The following MEGF6 variants were observed in gnomAD, a reference collection of about 807,000 sequenced individuals.
MEGF6 encodes the protein multiple EGF like domains 6.
MEGF6 carries 184 observed loss-of-function variants against 207.1 expected under a neutral mutation model. The ratio of observed to expected loss-of-function variants is 0.89; its 90% CI spans 0.79 to 1.00. The LOEUF (loss-of-function observed/expected upper bound fraction) is 1.00, where lower values mean the gene tolerates loss of function less well. MEGF6 is among the 50% of genes least tolerant of loss of function. MEGF6 has a pLI of 0.00. For synonymous variants in MEGF6, 1,038 were observed against 910.0 expected (o/e 1.14, Z -2.53); for missense variants, 2,282 against 2,202.9 (o/e 1.04, Z -0.72).
chr1:3,510,932 T>C (rs1238482283), intron 9 of MEGF6, 30 bp from the exon 10 acceptor site: 15 of 1,582,662 alleles, frequency 9.5e-6, no homozygotes, highest in Non-Finnish European at 1.3e-5. Context: ...GGCCCCCTGG[T>C]ACCAGGCACC....
intron 4 of MEGF6, among the ~76,000 whole-genome samples, chr1:3,579,578 T>C (rs1311322376): frequency 1.3e-5 from 2 of 152,124 alleles, no homozygotes; most frequent in African/African-American, 2.4e-5. Flanking sequence ...CAGTGGGCGC[T>C]GAGATGATAT....
At chr1:3,603,782 C>T (rs1004453837) in intron 1 of MEGF6, among the ~76,000 whole-genome samples, 4 of 152,156 alleles carry the variant, frequency 2.6e-5, no homozygotes, top group Admixed American at 6.5e-5. Flanking sequence ...CCCCGTGGGC[C>T]GGACCCTGGC....
intron 1 of MEGF6, among the ~76,000 whole-genome samples, chr1:3,604,478 G>A (rs370630394): frequency 5.3e-5 from 8 of 152,320 alleles, no homozygotes; most frequent in African/African-American, 1.4e-4. Flanking sequence ...TCAGCTGCAC[G>A]AACCCAGGGC....
In MEGF6 at chr1:3,508,690, C is replaced by T. The variant is rs748153590; in HGVS notation, c.1529-1G>A. 6.8e-6 allele frequency: 11 copies of T among 1,612,814 alleles called. No homozygotes were observed. Among genetic ancestry groups the T allele is most frequent in the Admixed American group, 3.3e-5 (2 of 59,976 alleles). ...TGGCCAAAGGAGTCATCCAGGCAGA[C>T]TGGGGGCAGACCAGGATGGGGGGAT... is the stretch of plus-strand genomic sequence containing the variant. On this transcript the variant is annotated splice_acceptor_variant, in intron 12 of 36. Coordinates refer to ENST00000356575, the MANE Select transcript of MEGF6 (RefSeq NM_001409.4). LOFTEE classifies it high-confidence loss of function.
At chr1:3,592,206 G>T (rs1484559464) in intron 3 of MEGF6, among the ~76,000 whole-genome samples, 1 of 152,192 alleles carries the variant, frequency 6.6e-6, no homozygotes, top group Non-Finnish European at 1.5e-5. Context: ...TGCAGGTCCC[G>T]GCGTGCAGCC....
chr1:3,582,979 G>A (rs1347173323), intron 3 of MEGF6, among the ~76,000 whole-genome samples: 6 of 152,242 alleles, frequency 3.9e-5, no homozygotes, highest in South Asian at 2.1e-4. Flanking sequence ...GTTCCGACAC[G>A]CAGGTGCACC....
chr1:3,505,328 AGC>A lies in MEGF6; in HGVS notation c.2066_2067del (p.Gly689ValfsTer19), dbSNP rs1221306507. The A allele has an allele frequency of 6.2e-7, 1 of 1,611,050 alleles. No individual in the cohort carries two copies. The highest frequency in any genetic ancestry group is 2.2e-5 in the East Asian group (1 of 44,820). ...GCCTGCCAGCACCCCGGCCCAAAGT[AGC>A]CCAGCTCACACTCTGCAGGGCGTGA... Reference protein sequence around the residue: ...GERCQAECELGYFGPGCWQAC... With the variant: ...GERCQAECELXYFGPGCWQAC... On this transcript the variant is annotated frameshift_variant, in exon 17 of 37. Coordinates refer to ENST00000356575, the MANE Select transcript of MEGF6 (RefSeq NM_001409.4). LOFTEE classifies it high-confidence loss of function.
At chr1:3,622,981 G>C in the MEGF6 span, among the ~76,000 whole-genome samples, 11 of 152,124 alleles carry the variant, frequency 7.2e-5, no homozygotes, top group Non-Finnish European at 1.3e-4. Flanking sequence ...CAGGCACCTG[G>C]TTCAGAATCC....
At chr1:3,504,131 G>A (rs1051752216) in intron 17 of MEGF6, among the ~76,000 whole-genome samples, 7 of 152,154 alleles carry the variant, frequency 4.6e-5, no homozygotes, top group Admixed American at 1.3e-4. Context: ...GGAGGGGGCT[G>A]GCCCCAGGGG....
intron 3 of MEGF6, among the ~76,000 whole-genome samples, chr1:3,582,648 A>T (rs1643826554): frequency 6.6e-6 from 1 of 151,992 alleles, no homozygotes; most frequent in African/African-American, 2.4e-5. Flanking sequence ...GGCACAAAAC[A>T]CCGCGGCCCC....
chr1:3,519,389 G>A (rs188708409), intron 5 of MEGF6, among the ~76,000 whole-genome samples: 362 of 152,344 alleles, frequency 2.4e-3, no homozygotes, highest in Non-Finnish European at 4.4e-3. Context: ...GCCAGACGGC[G>A]GGGGCCAACA....
chr1:3,603,395 G>A (rs1330442640), intron 1 of MEGF6, among the ~76,000 whole-genome samples: 1 of 152,052 alleles, frequency 6.6e-6, no homozygotes, highest in East Asian at 1.9e-4. Flanking sequence ...TGCCCTGACC[G>A]AGGGGTGAGG....
intron 4 of MEGF6, among the ~76,000 whole-genome samples, chr1:3,562,630 G>A (rs1223729269): frequency 6.6e-6 from 1 of 152,252 alleles, no homozygotes; most frequent in African/African-American, 2.4e-5. Context: ...TCCTTAAGCA[G>A]AGCTCAGACC....
intron 1 of MEGF6, among the ~76,000 whole-genome samples, chr1:3,606,721 A>G (rs1275067886): frequency 6.6e-6 from 1 of 152,196 alleles, no homozygotes; most frequent in Non-Finnish European, 1.5e-5. Flanking sequence ...GTGCCTTGCA[A>G]CGCACTTACC....
intron 5 of MEGF6, among the ~76,000 whole-genome samples, chr1:3,521,252 G>T (rs929784096): frequency 4.0e-5 from 6 of 151,874 alleles, no homozygotes; most frequent in African/African-American, 1.5e-4. Flanking sequence ...TGGGCAGAGG[G>T]TGCCAGTGTG....
intron 4 of MEGF6, among the ~76,000 whole-genome samples, chr1:3,577,599 C>T (rs1045539515): frequency 6.6e-6 from 1 of 152,272 alleles, no homozygotes; most frequent in Non-Finnish European, 1.5e-5. Flanking sequence ...CCTCCCTGCT[C>T]TGCGGTGCGT....
chr1:3,531,026 C>G (rs574744848), intron 4 of MEGF6: 10 of 1,434,678 alleles, frequency 7.0e-6, no homozygotes, highest in African/African-American at 1.5e-5. Context: ...AAAGGGAGCG[C>G]GCCGGGGAGC....
At chr1:3,592,818 C>T (rs1003979740) in intron 3 of MEGF6, among the ~76,000 whole-genome samples, 2 of 151,992 alleles carry the variant, frequency 1.3e-5, no homozygotes, top group Non-Finnish European at 2.9e-5. Context: ...GTAAAAGGTA[C>T]AAACAAGCAA....
At chr1:3,563,012 C>T (rs372468404) in intron 4 of MEGF6, among the ~76,000 whole-genome samples, 27 of 152,264 alleles carry the variant, frequency 1.8e-4, no homozygotes, top group African/African-American at 6.5e-4. Flanking sequence ...GAGGCAGCCC[C>T]CATCCTGGAC....
Sources: gnomAD v4.1 joint callset for allele counts (sites outside exome capture counted in the v4.1 genomes callset) on GRCh38, gnomAD v4.1.1 for gene constraint, MANE v1.5 for transcripts, NCBI Gene and HGNC (gene_info 2026-07-23, HGNC 2026-07-21) for gene names.